The following HOMER3 variants were observed in gnomAD, a reference collection of about 807,000 sequenced individuals.
HOMER3 encodes homer protein homolog 3.
HOMER3 carries 34 observed loss-of-function variants against 45.5 expected under a neutral mutation model. That is an observed-to-expected ratio of 0.75 (90% CI 0.57 to 1.00). The LOEUF (loss-of-function observed/expected upper bound fraction) is 1.00, where lower values mean the gene tolerates loss of function less well. HOMER3 is among the 50% of genes least tolerant of loss of function. The pLI is 0.00. For missense variants in HOMER3, 480 were observed against 497.5 expected (o/e 0.96, Z 0.33); for synonymous variants, 223 against 208.8 (o/e 1.07, Z -0.58).
intron 6 of HOMER3, 67 bp from the exon 7 acceptor site, chr19:18,932,199 C>A: frequency 1.1e-5 from 6 of 571,174 alleles, no homozygotes; most frequent in Non-Finnish European, 1.6e-5. Flanking sequence ...CGATGCTGGG[C>A]TAGGGGGCGG....
rs759179202 is a variant in HOMER3, at chr19:18,931,549, G to A, written c.767C>T (p.Ser256Leu). The A allele has an allele frequency of 3.7e-6, 6 of 1,613,470 alleles. No homozygotes were observed. In the African/African-American group the frequency reaches 5.3e-5, roughly 14 times the overall value. ...CACCAGAGCTTCCAGCTGTTCCAGC[G>A]ACTGGCCCTGGCCCAGCCCCTCCTT... ...GEKEGLGQGQ[S>L]LEQLEALVQT... The change falls in exon 8 of 10, where the codon TCG (serine) becomes TTG (leucine). Residue 256 changes from serine to leucine, a missense_variant. Coordinates refer to ENST00000392351, the MANE Select transcript of HOMER3 (RefSeq NM_004838.4).
At chr19:18,939,930 A>G (rs1277976450) in intron 1 of HOMER3, 1 of 152,444 alleles carries the variant, frequency 6.6e-6, no homozygotes, top group African/African-American at 2.4e-5. Flanking sequence ...GCCAATCCCA[A>G]TGCCCACCAT....
intron 4 of HOMER3, among the ~76,000 whole-genome samples, chr19:18,935,152 T>TG (rs149563661): frequency 0.31 from 32,834 of 106,798 alleles, 4,694 homozygotes; most frequent in Admixed American, 0.42. Flanking sequence ...TTTTTTTTTT[T>TG]GGGGGGGGAC....
rs182672917 is a variant in HOMER3 at position 18,936,941 on chromosome 19, C to T, written c.303+1412G>A. Among the ~76,000 whole-genome samples the T allele has an allele frequency of 3.3e-5, 5 of 150,228 alleles. No homozygotes were observed. The East Asian group carries it at 5.9e-4, about 18-fold the overall frequency. ...GTGTGAACCTGGGAGGCAGAGCTTGCAGTGAGCCAAGATCGCGCCACTGCA... is the reference window on the plus strand; with the variant it reads ...GTGTGAACCTGGGAGGCAGAGCTTGTAGTGAGCCAAGATCGCGCCACTGCA... On this transcript the variant is annotated intron_variant, in intron 4 of 9. Transcript: ENST00000392351.
At chr19:18,935,327 G>C (rs908517753) in intron 4 of HOMER3, among the ~76,000 whole-genome samples, 6 of 152,030 alleles carry the variant, frequency 3.9e-5, no homozygotes, top group African/African-American at 1.4e-4. Context: ...TAGTACAGAT[G>C]GGGTTTCACC....
rs1225322048 is a variant in HOMER3 at position 18,931,567 on chromosome 19, C to G, written c.749G>C (p.Gly250Ala). 2 of 1,613,428 alleles carry G rather than the reference C, an allele frequency of 1.2e-6. No individual in the cohort carries two copies. The highest frequency in any genetic ancestry group is 8.5e-7 in the Non-Finnish European group (1 of 1,179,980). Residue 250 changes from glycine (G) to alanine (A), a missense_variant, in exon 8 of 10, where the codon GGG (glycine) becomes GCG (alanine). Physicochemically the swap from Gly to Ala is moderately conservative, Grantham distance 60 (BLOSUM62 0). Transcript: ENST00000392351. ...TTCCAGCGACTGGCCCTGGCCCAGC[C>G]CCTCCTTCTCACCGGTGGGGGTCAC... is the stretch of plus-strand genomic sequence containing the variant. ...SEVTPTGEKE[G>A]LGQGQSLEQL...
Position 18,941,075 on chromosome 19 carries a change from T to C in HOMER3, c.-92A>G, listed in dbSNP as rs542750813. 1 of 151,348 alleles carries C rather than the reference T, an allele frequency of 6.6e-6. No individual in the cohort carries two copies. The highest frequency in any genetic ancestry group is 1.9e-4 in the East Asian group (1 of 5,140). The allele number at this position is 151,348 out of a possible 1,614,324, so 9.4% of individuals were successfully genotyped here. A position where few individuals can be genotyped will look rare whatever the true frequency, so the allele number is the denominator to read the frequency against. ...CCCTGCCAGGTCGGCGCCCCGCGAG[T>C]GTCCAGGCGCGAGTCGGGTGCGGCC... On this transcript the variant is annotated 5_prime_UTR_variant, in exon 1 of 10. Coordinates refer to ENST00000392351, the MANE Select transcript of HOMER3 (RefSeq NM_004838.4).
At position 18,931,307 on chromosome 19, in the gene HOMER3, C is replaced by G; in HGVS notation, c.894+18G>C. 1 of 1,610,266 alleles carries G rather than the reference C, an allele frequency of 6.2e-7. No homozygotes were observed. Among genetic ancestry groups the G allele is most frequent in the Non-Finnish European group, 8.5e-7 (1 of 1,176,830 alleles). On this transcript the variant is annotated intron_variant, in intron 9 of 9. Coordinates refer to ENST00000392351, the MANE Select transcript of HOMER3 (RefSeq NM_004838.4). The stretch of plus-strand genomic sequence containing the variant: ...ACTGTCACCCACCGTCACCCCACCT[C>G]CTTGTGCCCACACACACCTGCACCT...
chr19:18,938,412 C>T lies in HOMER3; in HGVS notation c.244G>A (p.Asp82Asn), dbSNP rs760444290. ...KTSQKFGQWA[D>N]SRANTVYGLG... is the part of the protein sequence containing the mutation. ...CCGTAGACTGTGTTGGCGCGACTGT[C>T]GGCCCACTGCCCGAACTTCTGGGAA... The change falls in exon 4 of 10, where the codon GAC becomes AAC. Residue 82 changes from aspartate (D) to asparagine (N), a missense_variant. By Grantham distance (23) the Asp-to-Asn change is conservative (BLOSUM62 1). Transcript: ENST00000392351. 6 of 1,614,096 alleles carry T rather than the reference C, an allele frequency of 3.7e-6. No individual in the cohort carries two copies. The highest frequency in any genetic ancestry group is 1.1e-5 in the South Asian group (1 of 91,076).
In HOMER3 at chr19:18,938,444, G is replaced by GT; in HGVS notation, c.211dup (p.Thr71AsnfsTer26). 1 of 1,614,152 alleles carries GT rather than the reference G, an allele frequency of 6.2e-7. No homozygotes were observed. Among genetic ancestry groups the GT allele is most frequent in the South Asian group, 1.1e-5 (1 of 91,080 alleles). ...CTGCCCGAACTTCTGGGAAGTTTTG[G>GT]TGAAGGTCATGTTGGGAGTGACAGT... On this transcript the variant is annotated frameshift_variant, in exon 4 of 10. Transcript: ENST00000392351. LOFTEE classifies it high-confidence loss of function.
At chr19:18,938,548 G>A (rs550674130) in intron 3 of HOMER3, 64 bp from the exon 4 acceptor site, 2 of 1,572,492 alleles carry the variant, frequency 1.3e-6, no homozygotes, top group South Asian at 2.3e-5. Flanking sequence ...AAACCCCCCA[G>A]GTATTACCTT....
intron 5 of HOMER3, 75 bp downstream of exon 5, chr19:18,934,228 G>T: frequency 1.2e-6 from 1 of 821,364 alleles, no homozygotes. Flanking sequence ...CAATATCAAG[G>T]TCCCCCAATA....
chr19:18,936,755 C>T (rs934293993), intron 4 of HOMER3, among the ~76,000 whole-genome samples: 2 of 151,752 alleles, frequency 1.3e-5, no homozygotes, highest in Non-Finnish European at 2.9e-5. Flanking sequence ...TTTGGGAGGC[C>T]AAGGTGGGTG....
chr19:18,939,289 C>T, intron 1 of HOMER3: 1 of 362,430 alleles, frequency 2.8e-6, no homozygotes, highest in Non-Finnish European at 5.0e-6. Context: ...AAAATTTAAA[C>T]AATTAGCTGG....
Position 18,929,871 on chromosome 19 carries a change from T to C in HOMER3, c.895-237A>G, listed in dbSNP as rs925185092. ...TCTTGTCGCCCAGGCTGGAGTGCAA[T>C]GGCGTGATCTCGGCTCACTACAACC... On this transcript the variant is annotated intron_variant, in intron 9 of 9. Coordinates refer to ENST00000392351, the MANE Select transcript of HOMER3 (RefSeq NM_004838.4). Among the ~76,000 whole-genome samples the C allele has an allele frequency of 2.0e-5, 3 of 152,164 alleles. No homozygotes were observed. The East Asian group carries it at 5.9e-4, about 30-fold the overall frequency.
chr19:18,934,091 C>T (rs1320696672), intron 5 of HOMER3, among the ~76,000 whole-genome samples: 3 of 152,206 alleles, frequency 2.0e-5, no homozygotes, highest in Non-Finnish European at 4.4e-5. Context: ...ACCCCACCGG[C>T]CCCAGGCAAG....
intron 4 of HOMER3, among the ~76,000 whole-genome samples, chr19:18,938,053 G>A (rs899205503): frequency 1.2e-4 from 18 of 152,026 alleles, no homozygotes; most frequent in East Asian, 5.8e-4. Context: ...TTAGCTGGGC[G>A]TGGTGGCGGA....
At chr19:18,932,159 G>A in intron 6 of HOMER3, 27 bp from the exon 7 acceptor site, 2 of 1,518,432 alleles carry the variant, frequency 1.3e-6, no homozygotes, top group Non-Finnish European at 8.9e-7. Context: ...GTCGGCAGTG[G>A]GTGACACGGG....
Position 18,931,499 on chromosome 19 carries a change from T to A in HOMER3, c.807+10A>T. On this transcript the variant is annotated intron_variant, in intron 8 of 9. Transcript: ENST00000392351. ...GAAGGCGAGGCCCAGGAACCACACTTGGCACTCACCTGGTCCTTGGTTTGC... is the reference window on the plus strand; with the variant it reads ...GAAGGCGAGGCCCAGGAACCACACTAGGCACTCACCTGGTCCTTGGTTTGC... The A allele has an allele frequency of 6.2e-7, 1 of 1,613,228 alleles. No individual in the cohort carries two copies. The highest frequency in any genetic ancestry group is 1.7e-5 in the Admixed American group (1 of 59,978).
Sources: allele counts gnomAD v4.1 joint callset (sites outside exome capture counted in the v4.1 genomes callset), GRCh38; gene constraint gnomAD v4.1.1; transcripts MANE v1.5; gene names NCBI Gene and HGNC (gene_info 2026-07-23, HGNC 2026-07-21).